PGGT1B: variants seen among roughly 807,000 people sequenced by gnomAD.
PGGT1B encodes geranylgeranyl transferase type-1 subunit beta.
Under a neutral mutation model 46.1 loss-of-function variants are expected in PGGT1B, and 30 were observed. That is an observed-to-expected ratio of 0.65 (90% CI 0.49 to 0.88). The LOEUF is 0.88. Ranked by LOEUF, PGGT1B falls within the 40% of genes least tolerant of loss-of-function variation. The pLI, the probability that PGGT1B is intolerant of heterozygous loss-of-function variation, is 0.00. For synonymous variants in PGGT1B, 170 were observed against 160.0 expected (o/e 1.06, Z -0.47); for missense variants, 376 against 455.9 (o/e 0.82, Z 1.60).
chr5:115,207,800 T>C lies in PGGT1B; in HGVS notation c.*4602A>G, dbSNP rs1308861770. On this transcript the variant is annotated 3_prime_UTR_variant, in exon 9 of 9. Transcript: ENST00000419445. ...TTCATTGGCTATAACTCTCAACACA[T>C]TGTTAAGTAGCAGAGGAGTTAGTGG... 3 of 152,026 alleles carry C rather than the reference T, an allele frequency of 2.0e-5. No individual in the cohort carries two copies. Among genetic ancestry groups the C allele is most frequent in the East Asian group, 1.9e-4 (1 of 5,200 alleles). The allele number at this position is 152,026 out of a possible 1,614,324, so 9.4% of individuals were successfully genotyped here. A position where few individuals can be genotyped will look rare whatever the true frequency, so the allele number is the denominator to read the frequency against.
intron 1 of PGGT1B, among the ~76,000 whole-genome samples, chr5:115,260,461 T>A (rs1024782065): frequency 1.3e-5 from 2 of 152,098 alleles, no homozygotes; most frequent in African/African-American, 4.8e-5. Context: ...TACTGTTTTG[T>A]CTTAAAGATC....
intron 6 of PGGT1B, among the ~76,000 whole-genome samples, chr5:115,222,628 T>A (rs1184958798): frequency 6.6e-6 from 1 of 152,208 alleles, no homozygotes; most frequent in Non-Finnish European, 1.5e-5. Flanking sequence ...TTACTGGGTA[T>A]ATACCCAAAG....
At chr5:115,249,961 T>C (rs1304423352) in intron 2 of PGGT1B, among the ~76,000 whole-genome samples, 1 of 152,208 alleles carries the variant, frequency 6.6e-6, no homozygotes, top group Non-Finnish European at 1.5e-5. Context: ...TCTGTACTTC[T>C]TTTGTTAACT....
chr5:115,226,918 C>CT (rs1258577532), intron 6 of PGGT1B, among the ~76,000 whole-genome samples: 2 of 151,892 alleles, frequency 1.3e-5, no homozygotes, highest in African/African-American at 2.4e-5. Flanking sequence ...AGATTAAACT[C>CT]TGACGGTTAT....
At chr5:115,262,643 C>T in intron 1 of PGGT1B, 69 bp downstream of exon 1, 1 of 1,521,922 alleles carries the variant, frequency 6.6e-7, no homozygotes, top group Non-Finnish European at 8.9e-7. Context: ...GTTTGCGGTC[C>T]GACTCCGCCG....
intron 8 of PGGT1B, among the ~76,000 whole-genome samples, chr5:115,216,203 A>C (rs1368088137): frequency 2.0e-5 from 3 of 152,002 alleles, no homozygotes; most frequent in African/African-American, 7.2e-5. Context: ...GCAGTGGTGC[A>C]ATCTCGGCTC....
chr5:115,256,924 C>A (rs1026181039), intron 1 of PGGT1B, among the ~76,000 whole-genome samples: 9 of 152,176 alleles, frequency 5.9e-5, no homozygotes, highest in African/African-American at 2.2e-4. Context: ...TTTTTTACTT[C>A]TTTCAGAGAA....
intron 3 of PGGT1B, among the ~76,000 whole-genome samples, chr5:115,238,330 G>A (rs1197766484): frequency 1.1e-5 from 1 of 88,708 alleles, no homozygotes; most frequent in Non-Finnish European, 2.0e-5. Context: ...TTAGTAACAG[G>A]GTCTTATCTG....
intron 7 of PGGT1B, 104 bp downstream of exon 7, chr5:115,221,720 C>T (rs1445829744): frequency 3.2e-6 from 2 of 622,560 alleles, no homozygotes; most frequent in African/African-American, 3.8e-5. Flanking sequence ...ATCCAGTAGC[C>T]TAAACCTAAC....
intron 2 of PGGT1B, among the ~76,000 whole-genome samples, chr5:115,243,222 T>C (rs1432177084): frequency 6.6e-6 from 1 of 152,214 alleles, no homozygotes; most frequent in Non-Finnish European, 1.5e-5. Context: ...AGTCATGATA[T>C]ATCTGAGAAT....
chr5:115,256,208 C>A (rs1315604673), intron 1 of PGGT1B, among the ~76,000 whole-genome samples: 1 of 152,098 alleles, frequency 6.6e-6, no homozygotes, highest in African/African-American at 2.4e-5. Context: ...GGGTAAAAGC[C>A]ACGGCTGCTG....
At chr5:115,222,807 C>T (rs1179479560) in intron 6 of PGGT1B, among the ~76,000 whole-genome samples, 1 of 152,168 alleles carries the variant, frequency 6.6e-6, no homozygotes, top group African/African-American at 2.4e-5. Context: ...GATGAGTTCA[C>T]GTCCTTTGTA....
At position 115,219,816 on chromosome 5, in the gene PGGT1B, C is replaced by G. The variant is rs185562075; in HGVS notation, c.843+2008G>C. On this transcript the variant is annotated intron_variant, in intron 7 of 8. Transcript: ENST00000419445. ...TCTCCCAAGAAGATATACAAATGAC[C>G]AATAAGTACACAGAAAGACACTCAA... Among the ~76,000 whole-genome samples, 244 of 151,572 alleles carry G rather than the reference C, an allele frequency of 1.6e-3. 7 individuals carry two copies. In the South Asian group the frequency reaches 0.021, roughly 13 times the overall value.
intron 1 of PGGT1B, 29 bp from the exon 2 acceptor site, chr5:115,253,284 TTAACTATCATACC>T (rs1748182484): frequency 6.5e-7 from 1 of 1,545,514 alleles, no homozygotes; most frequent in Non-Finnish European, 8.8e-7. Context: ...AAATTCCATC[TTAACTATCATACC>T]ACTTAAGTCT....
At chr5:115,251,843 C>A (rs1009659872) in intron 2 of PGGT1B, among the ~76,000 whole-genome samples, 1 of 151,756 alleles carries the variant, frequency 6.6e-6, no homozygotes, top group African/African-American at 2.4e-5. Context: ...AAAAAAAATA[C>A]CAAGCACAAT....
At chr5:115,255,369 T>A (rs1207759500) in intron 1 of PGGT1B, among the ~76,000 whole-genome samples, 1 of 152,200 alleles carries the variant, frequency 6.6e-6, no homozygotes, top group Admixed American at 6.5e-5. Context: ...GTGGTAATTA[T>A]GTCTCATGAG....
chr5:115,230,428 T>A (rs1443375645), intron 6 of PGGT1B, among the ~76,000 whole-genome samples: 1 of 152,148 alleles, frequency 6.6e-6, no homozygotes, highest in Non-Finnish European at 1.5e-5. Flanking sequence ...AGGCTATTGA[T>A]GTGCTGACAC....
rs1000309096 is a variant in PGGT1B at position 115,204,902 on chromosome 5, T to C, written c.*7500A>G. The C allele has an allele frequency of 6.6e-6, 1 of 152,200 alleles. No individual in the cohort carries two copies. Among genetic ancestry groups the C allele is most frequent in the South Asian group, 2.1e-4 (1 of 4,830 alleles). The allele number at this position is 152,200 out of a possible 1,614,324, so 9.4% of individuals were successfully genotyped here. A position where few individuals can be genotyped will look rare whatever the true frequency, so the allele number is the denominator to read the frequency against. ...CTGATTATTTCCACAAGTTAACCAC[T>C]GAATAACTGTCTACAGTATGTTCTG... On this transcript the variant is annotated 3_prime_UTR_variant, in exon 9 of 9. Transcript: ENST00000419445.
In PGGT1B at chr5:115,238,500, G is replaced by A. The variant is rs368338711; in HGVS notation, c.328-491C>T. Reference sequence around the variant, plus strand: ...TTATTTAAACCTCAAACTTAATCACGCTATCACTTATAATTTAAGTCTTAT... The same window carrying A: ...TTATTTAAACCTCAAACTTAATCACACTATCACTTATAATTTAAGTCTTAT... On this transcript the variant is annotated intron_variant, in intron 3 of 8. Transcript: ENST00000419445. Among the ~76,000 whole-genome samples the A allele has an allele frequency of 5.3e-5, 8 of 151,098 alleles. No individual in the cohort carries two copies. The South Asian group carries it at 8.4e-4, about 16-fold the overall frequency.
Sources: allele counts gnomAD v4.1 joint callset (sites outside exome capture counted in the v4.1 genomes callset), GRCh38; gene constraint gnomAD v4.1.1; transcripts MANE v1.5; gene names NCBI Gene and HGNC (gene_info 2026-07-23, HGNC 2026-07-21).